Variants in USP6NL observed in about 807,000 individuals in gnomAD.
USP6NL encodes USP6 N-terminal like.
Under a neutral mutation model 61.9 loss-of-function variants are expected in USP6NL, and 26 were observed. The observed-to-expected ratio is 0.42, with a 90% CI of 0.31 to 0.58. The LOEUF is 0.58. USP6NL is among the 20% of genes least tolerant of loss of function. USP6NL has a pLI of 0.16. For missense variants in USP6NL, 1,114 were observed against 1,034.3 expected (o/e 1.08, Z -1.06); for synonymous variants, 432 against 390.1 (o/e 1.11, Z -1.27).
At chr10:11,560,707 ATATATAT>A (rs921517410) in intron 2 of USP6NL, among the ~76,000 whole-genome samples, 1 of 107,664 alleles carries the variant, frequency 9.3e-6, no homozygotes, top group Non-Finnish European at 2.0e-5. Flanking sequence ...TAAAAAATAT[ATATATAT>A]TATATATATA....
In USP6NL at chr10:11,484,147, A is replaced by T. The variant is rs571260493; in HGVS notation, c.925+824T>A. On this transcript the variant is annotated intron_variant, in intron 13 of 14. Transcript: ENST00000609104. ...CCTAAGAGAGTTGAGTGCACAATGAACATGAAACTATGTGGTATGACCTGG... is the reference window on the plus strand; with the variant it reads ...CCTAAGAGAGTTGAGTGCACAATGATCATGAAACTATGTGGTATGACCTGG... 2.0e-5 allele frequency among the ~76,000 whole-genome samples: 3 copies of T among 152,348 alleles called. No individual in the cohort carries two copies. The South Asian group carries it at 6.2e-4, about 32-fold the overall frequency.
intron 6 of USP6NL, among the ~76,000 whole-genome samples, chr10:11,506,893 A>G (rs1372248636): frequency 6.6e-6 from 1 of 151,962 alleles, no homozygotes; most frequent in Admixed American, 6.5e-5. Flanking sequence ...GAAAGACAAG[A>G]AAAAAAATGC....
intron 1 of USP6NL, among the ~76,000 whole-genome samples, chr10:11,608,581 G>A (rs1017878811): frequency 5.9e-5 from 9 of 151,948 alleles, no homozygotes; most frequent in African/African-American, 1.7e-4. Context: ...CTTACAAGTC[G>A]CTTCCACAGG....
chr10:11,515,743 T>C (rs969135083), intron 5 of USP6NL, among the ~76,000 whole-genome samples: 2 of 152,144 alleles, frequency 1.3e-5, no homozygotes, highest in Admixed American at 6.5e-5. Flanking sequence ...TTCGTTTCAG[T>C]TAGGACTCAT....
At chr10:11,550,148 C>T (rs1251332039) in intron 2 of USP6NL, among the ~76,000 whole-genome samples, 2 of 152,042 alleles carry the variant, frequency 1.3e-5, no homozygotes, top group African/African-American at 2.4e-5. Flanking sequence ...AAATAAACCA[C>T]GAACATATAT....
chr10:11,517,992 C>T (rs886228966), intron 5 of USP6NL, among the ~76,000 whole-genome samples: 13 of 152,158 alleles, frequency 8.5e-5, no homozygotes, highest in African/African-American at 2.9e-4. Context: ...CTATGTATAA[C>T]GAGGAAAGAT....
Position 11,489,312 on chromosome 10 carries a change from A to C in USP6NL, c.544-90T>G. On this transcript the variant is annotated intron_variant, in intron 9 of 14. Coordinates refer to ENST00000609104, the MANE Select transcript of USP6NL (RefSeq NM_014688.5). This position sits in a 1 kb window ranked among gnomAD's most constrained non-coding sequence, Gnocchi z 5.7. Reference sequence around the variant, plus strand: ...AAAAAGCTACTCTATAAAAACCAGAAAATGCCTACACACATCATTTAATGG... The same window carrying C: ...AAAAAGCTACTCTATAAAAACCAGACAATGCCTACACACATCATTTAATGG... 2.6e-6 allele frequency: 4 copies of C among 1,524,872 alleles called. No individual in the cohort carries two copies. The highest frequency in any genetic ancestry group is 3.6e-6 in the Non-Finnish European group (4 of 1,124,650). 94.5% of individuals were successfully genotyped at this position (1,524,872 alleles called of 1,614,324 possible).
chr10:11,545,885 A>G (rs1187858786), intron 2 of USP6NL, among the ~76,000 whole-genome samples: 1 of 151,272 alleles, frequency 6.6e-6, no homozygotes, highest in Admixed American at 6.6e-5. Flanking sequence ...AGTTTTGCCA[A>G]CCACACTTTG....
Position 11,513,999 on chromosome 10 carries a change from C to T in USP6NL, c.196-4324G>A, listed in dbSNP as rs1404121558. ...ATTATCACCCCATTATGTTGTCTTTCCCAGCACATCACATCAGATGCACAC... is the reference window on the plus strand; with the variant it reads ...ATTATCACCCCATTATGTTGTCTTTTCCAGCACATCACATCAGATGCACAC... On this transcript the variant is annotated intron_variant, in intron 5 of 14. Transcript: ENST00000609104. The surrounding 1 kb of genome is among the most constrained non-coding windows in gnomAD (Gnocchi z 4.7). 3.9e-5 allele frequency among the ~76,000 whole-genome samples: 6 copies of T among 152,190 alleles called. No homozygotes were observed. Among genetic ancestry groups the T allele is most frequent in the Non-Finnish European group, 8.8e-5 (6 of 68,034 alleles).
rs373208340 is a variant in USP6NL at position 11,485,941 on chromosome 10, A to G, written c.665-30T>C. The G allele has an allele frequency of 7.0e-7, 1 of 1,422,398 alleles. No homozygotes were observed. The highest frequency in any genetic ancestry group is 9.6e-7 in the Non-Finnish European group (1 of 1,046,018). The allele number at this position is 1,422,398 out of a possible 1,614,324, so 88.1% of individuals were successfully genotyped here. ...AATACAAACATAAAAACAACATTTC[A>G]TAAACAATACCAACAAAACCCTCCA... is the stretch of plus-strand genomic sequence containing the variant. On this transcript the variant is annotated intron_variant, in intron 10 of 14. Coordinates refer to ENST00000609104, the MANE Select transcript of USP6NL (RefSeq NM_014688.5). The surrounding 1 kb of genome is among the most constrained non-coding windows in gnomAD (Gnocchi z 4.8).
In USP6NL at chr10:11,540,761, GC is replaced by G. The variant is rs1836016411; in HGVS notation, c.5-13195del. Among the ~76,000 whole-genome samples the G allele has an allele frequency of 6.6e-6, 1 of 152,084 alleles. No homozygotes were observed. Among genetic ancestry groups the G allele is most frequent in the Non-Finnish European group, 1.5e-5 (1 of 68,000 alleles). On this transcript the variant is annotated intron_variant, in intron 2 of 14. Coordinates refer to ENST00000609104, the MANE Select transcript of USP6NL (RefSeq NM_014688.5). This position sits in a 1 kb window ranked among gnomAD's most constrained non-coding sequence, Gnocchi z 5.0. ...AAATAATGTGCAAAAGCCAAACTGT[GC>G]CTAAAATGACACTCAAAAACAAGAA...
rs755774144 is a variant in USP6NL at position 11,462,456 on chromosome 10, C to T, written c.2472G>A (p.Glu824=). Residue 824 remains glutamate, a synonymous_variant, in exon 15 of 15, where the codon GAG becomes GAA. Coordinates refer to ENST00000609104, the MANE Select transcript of USP6NL (RefSeq NM_014688.5). ...ACGTCAAATCTCACAGCAACACTGACTCTTGGATGGAAAGCCCGTCCCGAT... is the reference window on the plus strand; with the variant it reads ...ACGTCAAATCTCACAGCAACACTGATTCTTGGATGGAAAGCCCGTCCCGAT... ...YRNRDGLSIQ[E]SVLL The T allele has an allele frequency of 3.1e-6, 5 of 1,613,470 alleles. No homozygotes were observed. The highest frequency in any genetic ancestry group is 1.7e-4 in the Middle Eastern group (1 of 5,770).
At chr10:11,529,512 T>G (rs1426766969) in intron 2 of USP6NL, among the ~76,000 whole-genome samples, 1 of 152,206 alleles carries the variant, frequency 6.6e-6, no homozygotes, top group African/African-American at 2.4e-5. Context: ...TTGTAAAAGC[T>G]TATTTGGGAA....
intron 1 of USP6NL, among the ~76,000 whole-genome samples, chr10:11,605,883 G>A (rs1337421410): frequency 6.6e-6 from 1 of 152,100 alleles, no homozygotes; most frequent in Non-Finnish European, 1.5e-5. Flanking sequence ...AGGATTCAGG[G>A]AGAAAATCTA....
rs1262527912 is a variant in USP6NL, at chr10:11,481,962, G to A, written c.926-40C>T. ...GAGAAATGAAAATGCCAAGTCAATA[G>A]CTACTTTAGGTAGGAAGATATTCTA... On this transcript the variant is annotated intron_variant, in intron 13 of 14. Coordinates refer to ENST00000609104, the MANE Select transcript of USP6NL (RefSeq NM_014688.5). The surrounding 1 kb of genome is among the most constrained non-coding windows in gnomAD (Gnocchi z 4.4). 1 of 1,558,126 alleles carries A rather than the reference G, an allele frequency of 6.4e-7. No homozygotes were observed. The highest frequency in any genetic ancestry group is 8.7e-7 in the Non-Finnish European group (1 of 1,153,412).
chr10:11,571,406 T>C (rs1375634394), intron 2 of USP6NL, among the ~76,000 whole-genome samples: 1 of 152,120 alleles, frequency 6.6e-6, no homozygotes, highest in Admixed American at 6.5e-5. Context: ...TTTTTAACCA[T>C]ATCCTTGACT....
At chr10:11,568,059 A>G (rs1487863224) in intron 2 of USP6NL, among the ~76,000 whole-genome samples, 1 of 152,098 alleles carries the variant, frequency 6.6e-6, no homozygotes, top group Non-Finnish European at 1.5e-5. Context: ...CACGTGTGAA[A>G]ATCTCTAAAA....
At chr10:11,559,600 A>G (rs1191620483) in intron 2 of USP6NL, among the ~76,000 whole-genome samples, 1 of 152,230 alleles carries the variant, frequency 6.6e-6, no homozygotes, top group Non-Finnish European at 1.5e-5. Context: ...AAGTAACATT[A>G]TACTACAGTA....
Position 11,482,441 on chromosome 10 carries a change from G to C in USP6NL, c.926-519C>G, listed in dbSNP as rs1833238494. The stretch of plus-strand genomic sequence containing the variant: ...TCAAATTAAATATGAACACAAAGCA[G>C]AAAGTAAAAATCTGCTCATTACATA... On this transcript the variant is annotated intron_variant, in intron 13 of 14. Coordinates refer to ENST00000609104, the MANE Select transcript of USP6NL (RefSeq NM_014688.5). This position sits in a 1 kb window ranked among gnomAD's most constrained non-coding sequence, Gnocchi z 4.0. 6.6e-6 allele frequency among the ~76,000 whole-genome samples: 1 copy of C among 152,200 alleles called. No homozygotes were observed. The highest frequency in any genetic ancestry group is 2.4e-5 in the African/African-American group (1 of 41,442).
Sources: allele counts gnomAD v4.1 joint callset (sites outside exome capture counted in the v4.1 genomes callset), GRCh38; gene constraint gnomAD v4.1.1; non-coding constraint Gnocchi (gnomAD v3.1); transcripts MANE v1.5; gene names NCBI Gene and HGNC (gene_info 2026-07-23, HGNC 2026-07-21).